Variants in RBFOX1 observed in about 807,000 individuals in gnomAD.
RBFOX1 encodes the protein RNA binding protein fox-1 homolog 1.
A neutral mutation model predicts 57.7 loss-of-function variants in RBFOX1; 8 were observed. The observed-to-expected ratio is 0.14, with a 90% CI of 0.08 to 0.25. The LOEUF (loss-of-function observed/expected upper bound fraction) is 0.25, where lower values mean the gene tolerates loss of function less well. Ranked by LOEUF, RBFOX1 falls within the 10% of genes least tolerant of loss-of-function variation. The probability of loss-of-function intolerance (pLI) is 1.00; values close to 1 mark genes in which losing one functional copy is unlikely to be tolerated. For synonymous variants in RBFOX1, 326 were observed against 222.4 expected, an observed-to-expected ratio of 1.47 and a Z score of -4.15; for missense variants, 611 against 548.5, an observed-to-expected ratio of 1.11 and a Z score of -1.14.
chr16:7,628,479 C>T (rs142497772), intron 10 of RBFOX1, among the ~76,000 whole-genome samples: 1 of 152,208 alleles, frequency 6.6e-6, no homozygotes, highest in East Asian at 1.9e-4. Context: ...AGCTTGCCTC[C>T]CCTTGCTTGG....
intron 2 of RBFOX1, among the ~76,000 whole-genome samples, chr16:5,495,636 TGGTGCTG>T (rs2151682573): frequency 6.6e-6 from 1 of 152,334 alleles, no homozygotes; most frequent in South Asian, 2.1e-4. Context: ...GGACCCAACA[TGGTGCTG>T]GATTTGACCT....
intron 10 of RBFOX1, among the ~76,000 whole-genome samples, chr16:7,629,410 G>C (rs944064861): frequency 1.3e-5 from 2 of 152,138 alleles, no homozygotes; most frequent in Non-Finnish European, 2.9e-5. Context: ...CCTGTTCTGC[G>C]GGTGCACTTG....
chr16:7,696,633 A>C (rs977348311), intron 14 of RBFOX1, among the ~76,000 whole-genome samples: 1 of 152,186 alleles, frequency 6.6e-6, no homozygotes, highest in Non-Finnish European at 1.5e-5. Context: ...AGTCAGGAGA[A>C]GGTCTCATCA....
At chr16:7,049,517 A>G (rs1471107725) in intron 3 of RBFOX1, among the ~76,000 whole-genome samples, 1 of 152,186 alleles carries the variant, frequency 6.6e-6, no homozygotes, top group East Asian at 1.9e-4. Context: ...GTTAAGACTC[A>G]TCTGTCTTGT....
chr16:5,696,633 G>A (rs2050852036), intron 3 of RBFOX1, among the ~76,000 whole-genome samples: 2 of 152,088 alleles, frequency 1.3e-5, no homozygotes, highest in South Asian at 2.1e-4. Context: ...TGAATTTAAA[G>A]ATCAGTGTAT....
At chr16:6,278,159 G>A (rs550552869) in intron 1 of RBFOX1, among the ~76,000 whole-genome samples, 23 of 152,162 alleles carry the variant, frequency 1.5e-4, no homozygotes, top group South Asian at 4.1e-4. Context: ...ATAAAGAGGG[G>A]CAGTAAATGT....
At chr16:6,996,063 G>T (rs1358665466) in intron 3 of RBFOX1, among the ~76,000 whole-genome samples, 3 of 152,128 alleles carry the variant, frequency 2.0e-5, no homozygotes, top group Admixed American at 6.5e-5. Context: ...TGGCCATGGG[G>T]CGTCTTGAAG....
chr16:7,606,112 G>C (rs913806081), intron 9 of RBFOX1, among the ~76,000 whole-genome samples: 9 of 142,206 alleles, frequency 6.3e-5, no homozygotes, highest in Middle Eastern at 3.9e-3. Context: ...TGCCCGACCT[G>C]CATGGATTTT....
intron 2 of RBFOX1, among the ~76,000 whole-genome samples, chr16:6,640,633 A>AAATAAATG (rs779241783): frequency 3.3e-5 from 5 of 151,920 alleles, no homozygotes; most frequent in African/African-American, 4.8e-5. Flanking sequence ...ATAAATAAAT[A>AAATAAATG]AATACTACTT....
At chr16:6,803,952 C>T (rs62016138) in intron 3 of RBFOX1, among the ~76,000 whole-genome samples, 1 of 152,130 alleles carries the variant, frequency 6.6e-6, no homozygotes, top group African/African-American at 2.4e-5. Context: ...CCATAGTTTC[C>T]TAATATTTGC....
At chr16:5,452,127 T>C in intron 1 of RBFOX1, among the ~76,000 whole-genome samples, 1 of 147,964 alleles carries the variant, frequency 6.8e-6, no homozygotes, top group Non-Finnish European at 1.5e-5. Context: ...TTTTTTTTTT[T>C]TTTTTTTTTG....
chr16:6,927,178 G>C (rs1213169853), intron 3 of RBFOX1, among the ~76,000 whole-genome samples: 1 of 151,948 alleles, frequency 6.6e-6, no homozygotes, highest in East Asian at 1.9e-4. Context: ...TGTTAGGTCT[G>C]GGTGGGGCTC....
chr16:6,572,157 C>T (rs1292735032), intron 2 of RBFOX1, among the ~76,000 whole-genome samples: 4 of 152,094 alleles, frequency 2.6e-5, no homozygotes, highest in Non-Finnish European at 5.9e-5. Context: ...CTTTTTAAAA[C>T]GTTACTTGAT....
intron 2 of RBFOX1, among the ~76,000 whole-genome samples, chr16:5,560,347 C>T (rs761253317): frequency 5.3e-5 from 8 of 150,984 alleles, no homozygotes; most frequent in Non-Finnish European, 1.2e-4. Context: ...CCTCTAGGAA[C>T]CATTGAATTA....
chr16:7,417,550 G>GTGTA (rs2098495108), intron 4 of RBFOX1, among the ~76,000 whole-genome samples: 2 of 151,998 alleles, frequency 1.3e-5, no homozygotes, highest in African/African-American at 4.8e-5. Flanking sequence ...GTGTGTGTGT[G>GTGTA]TGTGTGTGTG....
chr16:5,593,110 G>C (rs2047063805), intron 2 of RBFOX1, among the ~76,000 whole-genome samples: 1 of 152,092 alleles, frequency 6.6e-6, no homozygotes, highest in Non-Finnish European at 1.5e-5. Context: ...ATCAATGATA[G>C]ACTGGAGAAA....
At chr16:5,840,046 G>A (rs932825759) in intron 3 of RBFOX1, among the ~76,000 whole-genome samples, 9 of 152,150 alleles carry the variant, frequency 5.9e-5, no homozygotes, top group African/African-American at 2.2e-4. Context: ...AGTGACCAAG[G>A]CACTCATAAT....
intron 1 of RBFOX1, among the ~76,000 whole-genome samples, chr16:6,122,577 T>C (rs1267008747): frequency 3.9e-5 from 6 of 152,312 alleles, no homozygotes; most frequent in Non-Finnish European, 7.3e-5. Flanking sequence ...CAGGCTTATA[T>C]TGTGCTGACT....
chr16:6,394,209 C>G (rs527619542), intron 2 of RBFOX1, among the ~76,000 whole-genome samples: 4 of 152,144 alleles, frequency 2.6e-5, no homozygotes, highest in Non-Finnish European at 4.4e-5. Context: ...ATTGTTTGAC[C>G]TTGAGCAATC....
Sources: gnomAD v4.1 joint callset for allele counts (sites outside exome capture counted in the v4.1 genomes callset) on GRCh38, gnomAD v4.1.1 for gene constraint, MANE v1.5 for transcripts, NCBI Gene and HGNC (gene_info 2026-07-23, HGNC 2026-07-21) for gene names.